MACROD2: variants seen among roughly 807,000 people sequenced by gnomAD.
The protein encoded by MACROD2 is ADP-ribose glycohydrolase MACROD2.
MACROD2 carries 36 observed loss-of-function variants against 70.4 expected under a neutral mutation model. The ratio of observed to expected loss-of-function variants is 0.51; its 90% confidence interval spans 0.39 to 0.68. The LOEUF (loss-of-function observed/expected upper bound fraction) is 0.68, where lower values mean the gene tolerates loss of function less well. MACROD2 is among the 30% of genes least tolerant of loss of function. The pLI, the probability that MACROD2 is intolerant of heterozygous loss-of-function variation, is 0.00. For synonymous variants in MACROD2, 172 were observed against 178.8 expected (o/e 0.96, Z 0.30); for missense variants, 496 against 538.4 (o/e 0.92, Z 0.78).
At chr20:15,097,772 G>A (rs540412872) in intron 5 of MACROD2, among the ~76,000 whole-genome samples, 2 of 152,142 alleles carry the variant, frequency 1.3e-5, no homozygotes, top group African/African-American at 4.8e-5. Flanking sequence ...GTTAGGGCAA[G>A]GCCAAAACTG....
At chr20:14,136,331 C>T (rs1359920672) in intron 3 of MACROD2, among the ~76,000 whole-genome samples, 1 of 152,074 alleles carries the variant, frequency 6.6e-6, no homozygotes, top group African/African-American at 2.4e-5. Flanking sequence ...TAGCCGGGGG[C>T]AGTGGTTCAC....
At chr20:15,166,008 T>C (rs2076381031) in intron 5 of MACROD2, among the ~76,000 whole-genome samples, 1 of 152,152 alleles carries the variant, frequency 6.6e-6, no homozygotes, top group Non-Finnish European at 1.5e-5. Context: ...AGGCTACATA[T>C]TGCATGATTC....
At chr20:15,337,899 T>A (rs1167278120) in intron 6 of MACROD2, among the ~76,000 whole-genome samples, 1 of 151,762 alleles carries the variant, frequency 6.6e-6, no homozygotes, top group Non-Finnish European at 1.5e-5. Context: ...TGTATTGGTT[T>A]AGTTACACTG....
chr20:15,284,994 G>A (rs1024309604), intron 6 of MACROD2, among the ~76,000 whole-genome samples: 7 of 152,086 alleles, frequency 4.6e-5, no homozygotes, highest in African/African-American at 1.4e-4. Flanking sequence ...TTTTAACACT[G>A]GTTTGCTGAC....
intron 5 of MACROD2, among the ~76,000 whole-genome samples, chr20:15,185,265 G>C (rs958763419): frequency 6.6e-6 from 1 of 152,146 alleles, no homozygotes; most frequent in African/African-American, 2.4e-5. Flanking sequence ...TAATTAGTCT[G>C]TCAGCTTTTA....
chr20:15,709,739 A>C (rs186385797), intron 8 of MACROD2, among the ~76,000 whole-genome samples: 7 of 152,370 alleles, frequency 4.6e-5, no homozygotes, highest in Admixed American at 3.3e-4. Context: ...AATGTATTAA[A>C]GATCAAATGT....
At chr20:15,682,387 A>C (rs1277812897) in intron 8 of MACROD2, among the ~76,000 whole-genome samples, 6 of 152,244 alleles carry the variant, frequency 3.9e-5, no homozygotes, top group African/African-American at 1.4e-4. Flanking sequence ...TCATGGGGAA[A>C]TGCTAATTGG....
chr20:14,256,180 A>G (rs1044496254), intron 3 of MACROD2, among the ~76,000 whole-genome samples: 2 of 152,036 alleles, frequency 1.3e-5, no homozygotes, highest in Non-Finnish European at 2.9e-5. Context: ...AGCTGCATCT[A>G]ATCAGCTGCT....
At chr20:14,592,411 A>C (rs1056972720) in intron 4 of MACROD2, among the ~76,000 whole-genome samples, 1 of 152,198 alleles carries the variant, frequency 6.6e-6, no homozygotes, top group African/African-American at 2.4e-5. Flanking sequence ...CATATTCCTT[A>C]GTGTCTCTGG....
chr20:14,450,371 T>TTAG (rs1205163348), intron 3 of MACROD2, among the ~76,000 whole-genome samples: 3 of 152,078 alleles, frequency 2.0e-5, no homozygotes, highest in Non-Finnish European at 4.4e-5. Flanking sequence ...TCAAATGATG[T>TTAG]TAGACTGCAC....
chr20:15,218,510 A>G (rs2145960611), intron 5 of MACROD2, among the ~76,000 whole-genome samples: 1 of 152,294 alleles, frequency 6.6e-6, no homozygotes, highest in Middle Eastern at 3.4e-3. Context: ...CATGTTCCCA[A>G]AGAATATCTC....
chr20:14,313,507 G>C (rs867128282), intron 3 of MACROD2, among the ~76,000 whole-genome samples: 2 of 142,120 alleles, frequency 1.4e-5, no homozygotes, highest in African/African-American at 5.3e-5. Flanking sequence ...TTACCTCTTT[G>C]TCTGGGACTT....
At chr20:15,681,997 G>A (rs2050166322) in intron 8 of MACROD2, among the ~76,000 whole-genome samples, 1 of 152,090 alleles carries the variant, frequency 6.6e-6, no homozygotes, top group Non-Finnish European at 1.5e-5. Flanking sequence ...TGGTATTTTT[G>A]GCTCAGAGTC....
At chr20:15,303,293 G>A (rs890025461) in intron 6 of MACROD2, among the ~76,000 whole-genome samples, 1 of 151,994 alleles carries the variant, frequency 6.6e-6, no homozygotes, top group East Asian at 1.9e-4. Flanking sequence ...TACCTTGCTG[G>A]ACCCCACAGA....
intron 3 of MACROD2, among the ~76,000 whole-genome samples, chr20:14,490,049 A>T (rs1044963577): frequency 6.6e-6 from 1 of 152,120 alleles, no homozygotes; most frequent in Non-Finnish European, 1.5e-5. Context: ...GAAAAACATA[A>T]ATTAATGTGT....
At chr20:15,912,088 G>C (rs1348331219) in intron 10 of MACROD2, among the ~76,000 whole-genome samples, 1 of 152,192 alleles carries the variant, frequency 6.6e-6, no homozygotes. Context: ...AAGCTGTTTT[G>C]ACAGTGGGTC....
intron 3 of MACROD2, among the ~76,000 whole-genome samples, chr20:14,116,762 A>G (rs1026250791): frequency 6.6e-6 from 1 of 152,196 alleles, no homozygotes; most frequent in South Asian, 2.1e-4. Context: ...TCTACTTAAT[A>G]TTAACATTTT....
At chr20:15,862,180 G>A (rs767008728) in intron 8 of MACROD2, among the ~76,000 whole-genome samples, 15 of 152,142 alleles carry the variant, frequency 9.9e-5, no homozygotes, top group South Asian at 2.1e-4. Context: ...TCGACCTTGC[G>A]TCACTGTCAG....
At chr20:14,173,410 A>G (rs2081239107) in intron 3 of MACROD2, among the ~76,000 whole-genome samples, 1 of 152,002 alleles carries the variant, frequency 6.6e-6, no homozygotes, top group South Asian at 2.1e-4. Context: ...GTTATTGATG[A>G]GACTTTCTGG....
Sources: gnomAD v4.1 joint callset for allele counts (sites outside exome capture counted in the v4.1 genomes callset) on GRCh38, gnomAD v4.1.1 for gene constraint, MANE v1.5 for transcripts, NCBI Gene and HGNC (gene_info 2026-07-23, HGNC 2026-07-21) for gene names.